DST: variants seen among roughly 807,000 people sequenced by gnomAD.
DST encodes bullous pemphigoid antigen.
Under a neutral mutation model 875.2 loss-of-function variants are expected in DST, and 253 were observed. The ratio of observed to expected loss-of-function variants is 0.29; its 90% CI spans 0.26 to 0.32. The LOEUF (loss-of-function observed/expected upper bound fraction) is 0.32. Ranked by LOEUF, DST falls within the 10% of genes least tolerant of loss-of-function variation. DST has a pLI of 1.00. For synonymous variants in DST, 3,124 were observed against 3,197.1 expected (o/e 0.98, Z 0.77); for missense variants, 8,287 against 9,111.6 (o/e 0.91, Z 3.68).
Position 56,754,245 on chromosome 6 carries a change from G to T in DST, c.626-18956C>A, listed in dbSNP as rs922084670. On this transcript the variant is annotated intron_variant, in intron 4 of 103. Coordinates refer to ENST00000680361, the MANE Select transcript of DST (RefSeq NM_001374736.1). ...TCAATTAATTCAACAAAAGAAATAC[G>T]TAACTTATTTGTAGATGCTAACCTT... Among the ~76,000 whole-genome samples the T allele has an allele frequency of 2.0e-5, 3 of 152,068 alleles. No homozygotes were observed. The East Asian group carries it at 5.8e-4, about 29-fold the overall frequency.
rs74501482 is a variant in DST, at chr6:56,902,739, G to A, written c.217-2118C>T. On this transcript the variant is annotated intron_variant, in intron 2 of 103. Coordinates refer to ENST00000680361, the MANE Select transcript of DST (RefSeq NM_001374736.1). Reference sequence around the variant, plus strand: ...CCCAGAACATCCCCACCACTCCCACGTAACTCAGGAGGTACTACAGCAGCT... The same window carrying A: ...CCCAGAACATCCCCACCACTCCCACATAACTCAGGAGGTACTACAGCAGCT... Among the ~76,000 whole-genome samples the A allele has an allele frequency of 4.3e-3, 657 of 152,236 alleles. 18 individuals are homozygous for A. Among genetic ancestry groups the A allele is most frequent in the Admixed American group, 0.03 (466 of 15,292 alleles).
chr6:56,655,030 G>A (rs549103230), intron 10 of DST, among the ~76,000 whole-genome samples: 3 of 151,834 alleles, frequency 2.0e-5, no homozygotes, highest in South Asian at 4.2e-4. Flanking sequence ...GCATGGTGTC[G>A]GGTGCCTGTA....
In DST at chr6:56,552,597, C is replaced by T. The variant is rs553940584; in HGVS notation, c.16195G>A (p.Ala5399Thr). The T allele has an allele frequency of 1.3e-5, 21 of 1,613,900 alleles. No homozygotes were observed. The highest frequency in any genetic ancestry group is 1.6e-4 in the Middle Eastern group (1 of 6,062). Residue 5399 changes from alanine (A) to threonine (T), a missense_variant, in exon 61 of 104, where the codon GCA becomes ACA. By Grantham distance (58) the Ala-to-Thr change is moderately conservative (BLOSUM62 0). Around this residue, in one of 10 missense-constraint regions of DST, gnomAD observed 1,513 missense variants for 1,677.8 expected, o/e 0.90. Transcript: ENST00000680361. ...NTIREMFSQF[A>T]EFDDELDSMA... ...CTATCCAGTTCATCATCAAACTCTG[C>T]GAACTGAGAAAACATTTCTCGAATG...
intron 55 of DST, among the ~76,000 whole-genome samples, chr6:56,563,758 A>G (rs1342861426): frequency 1.3e-5 from 2 of 152,104 alleles, no homozygotes; most frequent in African/African-American, 2.4e-5. Flanking sequence ...GTTTTTGTAT[A>G]AGGTGTAAGG....
chr6:56,487,892 A>C (rs1409974794), intron 86 of DST, among the ~76,000 whole-genome samples: 3 of 152,208 alleles, frequency 2.0e-5, no homozygotes, highest in Admixed American at 1.3e-4. Context: ...GTGATTCTCA[A>C]TCCTTGTAGC....
chr6:56,608,017 T>C lies in DST; in HGVS notation c.6611A>G (p.Tyr2204Cys), dbSNP rs899864573. 1.9e-6 allele frequency: 3 copies of C among 1,612,918 alleles called. No individual in the cohort carries two copies. Among genetic ancestry groups the C allele is most frequent in the African/African-American group, 2.7e-5 (2 of 74,996 alleles). ...ATCCATATAGCTATTTATCATTAAA[T>C]AAGATAGAAATAATTTTTTAGTTTC... ...SEETKKLFLSYLMINSYMDAN... is the reference protein window; with the variant it reads ...SEETKKLFLSCLMINSYMDAN... The change falls in exon 40 of 104, where the codon TAT becomes TGT. Residue 2204 changes from tyrosine to cysteine, a missense_variant. Around this residue, in one of 10 missense-constraint regions of DST, gnomAD observed 3,138 missense variants for 3,116.6 expected, o/e 1.01. Transcript: ENST00000680361.
At chr6:56,806,443 AAAT>A (rs2099753043) in intron 4 of DST, among the ~76,000 whole-genome samples, 1 of 152,238 alleles carries the variant, frequency 6.6e-6, no homozygotes, top group Admixed American at 6.5e-5. Flanking sequence ...AGACTGGACT[AAAT>A]GCAAGGAAAG....
In DST at chr6:56,491,025, C is replaced by T. The variant is rs186130432; in HGVS notation, c.20757+1202G>A. ...CTGATGTTCATAACTCAAGAAATGC[C>T]GGCACTACACATGTTATTGCACCAC... On this transcript the variant is annotated intron_variant, in intron 85 of 103. Coordinates refer to ENST00000680361, the MANE Select transcript of DST (RefSeq NM_001374736.1). 6.1e-4 allele frequency among the ~76,000 whole-genome samples: 93 copies of T among 152,166 alleles called. 1 individual carries two copies. The East Asian group carries it at 0.013, about 21-fold the overall frequency.
chr6:56,721,124 C>A (rs1331243859), intron 5 of DST, among the ~76,000 whole-genome samples: 3 of 151,442 alleles, frequency 2.0e-5, no homozygotes, highest in Admixed American at 2.0e-4. Flanking sequence ...ACCTCCCAGA[C>A]AGGGCAGCTG....
chr6:56,474,116 T>C (rs1391069522), intron 92 of DST, 114 bp from the exon 93 acceptor site: 1 of 888,462 alleles, frequency 1.1e-6, no homozygotes, highest in Non-Finnish European at 1.7e-6. Flanking sequence ...TGAAGAAGAA[T>C]AAATCATATG....
At chr6:56,950,037 A>C (rs1290248085) in intron 2 of DST, among the ~76,000 whole-genome samples, 1 of 152,172 alleles carries the variant, frequency 6.6e-6, no homozygotes, top group African/African-American at 2.4e-5. Context: ...TAAAAACTCA[A>C]TTTCTTTCAG....
chr6:56,681,641 A>C (rs575248970), intron 9 of DST, among the ~76,000 whole-genome samples: 1 of 152,308 alleles, frequency 6.6e-6, no homozygotes, highest in African/African-American at 2.4e-5. Context: ...CTAGCCCTCT[A>C]ATATGTGAGC....
chr6:56,610,809 T>C (rs1360765392), intron 38 of DST, among the ~76,000 whole-genome samples: 1 of 152,120 alleles, frequency 6.6e-6, no homozygotes, highest in Non-Finnish European at 1.5e-5. Flanking sequence ...TTATTTAACA[T>C]ACAAAATTCC....
At chr6:56,728,813 TAC>T (rs2099483012) in intron 5 of DST, among the ~76,000 whole-genome samples, 1 of 152,062 alleles carries the variant, frequency 6.6e-6, no homozygotes, top group Admixed American at 6.6e-5. Flanking sequence ...AAGACTGAAA[TAC>T]AGACATTAAA....
At chr6:56,514,106 T>C (rs1024238199) in intron 72 of DST, among the ~76,000 whole-genome samples, 1 of 152,210 alleles carries the variant, frequency 6.6e-6, no homozygotes, top group African/African-American at 2.4e-5. Flanking sequence ...TTAAAGATTA[T>C]GCAAAAAGGC....
At chr6:56,661,218 C>T (rs115952895) in intron 10 of DST, among the ~76,000 whole-genome samples, 1,762 of 152,174 alleles carry the variant, frequency 0.012, 43 homozygotes, top group African/African-American at 0.039. Context: ...CTTCATATCA[C>T]AGGCTAAGAT....
At position 56,473,940 on chromosome 6, in the gene DST, C is replaced by T. The variant is rs770025191; in HGVS notation, c.21927G>A (p.Lys7309=). 1.3e-6 allele frequency: 2 copies of T among 1,589,610 alleles called. No individual in the cohort carries two copies. The highest frequency in any genetic ancestry group is 1.7e-6 in the Non-Finnish European group (2 of 1,165,944). The change falls in exon 93 of 104, where the codon AAG becomes AAA. Residue 7309 remains lysine (K), a synonymous_variant. Coordinates refer to ENST00000680361, the MANE Select transcript of DST (RefSeq NM_001374736.1). ...ATGAGGAAGGATCAGCAGCTCTCCT[C>T]TTATAGGTCTTCGTTACTTTATCAA... ...PDVDKVTKTY[K]RRAADPSSLQ... is the part of the protein sequence containing the mutation.
At chr6:56,871,315 G>A (rs997118015) in intron 3 of DST, 57 of 875,056 alleles carry the variant, frequency 6.5e-5, no homozygotes, top group Non-Finnish European at 9.9e-5. Context: ...ATGCATATAC[G>A]AAAAGCCACG....
At chr6:56,906,086 C>T (rs1432502036) in intron 2 of DST, among the ~76,000 whole-genome samples, 1 of 152,176 alleles carries the variant, frequency 6.6e-6, no homozygotes, top group Non-Finnish European at 1.5e-5. Context: ...CCCCTTTGTA[C>T]ATATAGCCAG....
Sources: gnomAD v4.1 joint callset for allele counts (sites outside exome capture counted in the v4.1 genomes callset) on GRCh38, gnomAD v4.1.1 for gene constraint, gnomAD v4.1.1 regional missense constraint, MANE v1.5 for transcripts, NCBI Gene and HGNC (gene_info 2026-07-23, HGNC 2026-07-21) for gene names.